Variants in NCBP3 observed in about 807,000 individuals in gnomAD.
NCBP3 encodes nuclear cap binding subunit 3, also known as nuclear cap-binding protein subunit 3.
In NCBP3, 20 loss-of-function variants were observed where a neutral mutation model predicts 75.7. The observed-to-expected ratio is 0.26, with a 90% CI of 0.19 to 0.38. NCBP3 has a LOEUF of 0.38. Ranked by LOEUF, NCBP3 falls within the 10% of genes least tolerant of loss-of-function variation. The pLI, the probability that NCBP3 is intolerant of heterozygous loss-of-function variation, is 1.00. For synonymous variants in NCBP3, 293 were observed against 290.5 expected, an observed-to-expected ratio of 1.01 and a Z score of -0.09; for missense variants, 678 against 796.9, an observed-to-expected ratio of 0.85 and a Z score of 1.80.
intron 7 of NCBP3, chr17:3,824,225 GTTCTTATTCTT>G (rs1365053589): frequency 6.6e-6 from 1 of 151,840 alleles, no homozygotes; most frequent in Non-Finnish European, 1.5e-5. Context: ...ATAAAACAAT[GTTCTTATTCTT>G]TGGAATACAT....
chr17:3,812,856 G>A lies in NCBP3; in HGVS notation c.*188C>T, dbSNP rs148372516. 9.5e-3 allele frequency: 13,493 copies of A among 1,421,824 alleles called. 75 individuals are homozygous for A. The highest frequency in any genetic ancestry group is 0.011 in the Non-Finnish European group (12,470 of 1,091,328). 88.1% of individuals were successfully genotyped at this position (1,421,824 alleles called of 1,614,324 possible). On this transcript the variant is annotated 3_prime_UTR_variant, in exon 13 of 13. Coordinates refer to ENST00000389005, the MANE Select transcript of NCBP3 (RefSeq NM_001114118.3). ...GGGCCCAGAACTACAACTCTGCAGC[G>A]AAAGATAGAGATGCCCTTGAAAATG... is the stretch of plus-strand genomic sequence containing the variant.
intron 3 of NCBP3, among the ~76,000 whole-genome samples, chr17:3,832,664 A>T (rs1470467355): frequency 6.6e-6 from 1 of 151,864 alleles, no homozygotes; most frequent in East Asian, 1.9e-4. Context: ...AAATAAAAAT[A>T]AAAAAAGGAT....
In NCBP3 at chr17:3,806,096, T is replaced by TTTTTTTTTTTTTTTTA. The variant is rs1249058268; in HGVS notation, c.*6947_*6948insTAAAAAAAAAAAAAAA. The TTTTTTTTTTTTTTTTA allele has an allele frequency of 6.6e-6, 1 of 152,256 alleles. No homozygotes were observed. Among genetic ancestry groups the TTTTTTTTTTTTTTTTA allele is most frequent in the Admixed American group, 6.5e-5 (1 of 15,276 alleles). The allele number at this position is 152,256 out of a possible 1,614,324, so 9.4% of individuals were successfully genotyped here. A position where few individuals can be genotyped will look rare whatever the true frequency, so the allele number is the denominator to read the frequency against. ...AGGTGAGAATCCTTTCTTTTTTTTT[T>TTTTTTTTTTTTTTTTA]GAGACGGAGTCTCGCTCTGTCGCCC... On this transcript the variant is annotated 3_prime_UTR_variant, in exon 13 of 13. Coordinates refer to ENST00000389005, the MANE Select transcript of NCBP3 (RefSeq NM_001114118.3).
rs1479959888 is a variant in NCBP3 at position 3,806,097 on chromosome 17, G to C, written c.*6947C>G. Reference sequence around the variant, plus strand: ...GGTGAGAATCCTTTCTTTTTTTTTTGAGACGGAGTCTCGCTCTGTCGCCCA... The same window carrying C: ...GGTGAGAATCCTTTCTTTTTTTTTTCAGACGGAGTCTCGCTCTGTCGCCCA... On this transcript the variant is annotated 3_prime_UTR_variant, in exon 13 of 13. Coordinates refer to ENST00000389005, the MANE Select transcript of NCBP3 (RefSeq NM_001114118.3). 1 of 116,962 alleles carries C rather than the reference G, an allele frequency of 8.5e-6. No homozygotes were observed. The highest frequency in any genetic ancestry group is 1.7e-5 in the Non-Finnish European group (1 of 60,590). 7.2% of individuals were successfully genotyped at this position (116,962 alleles called of 1,614,324 possible).
Position 3,846,118 on chromosome 17 carries a change from C to T in NCBP3, c.106G>A (p.Glu36Lys), listed in dbSNP as rs762792767. The T allele has an allele frequency of 6.5e-7, 1 of 1,548,242 alleles. No homozygotes were observed. Among genetic ancestry groups the T allele is most frequent in the South Asian group, 1.2e-5 (1 of 84,002 alleles). ...TCCTCCACCTCCATGGGCTCCGGCT[C>T]GCCACGGTCAACACCGGACTCCGCC... ...PEAESGVDRGEPEPMEVEEGE... is the reference protein window; with the variant it reads ...PEAESGVDRGKPEPMEVEEGE... The change falls in exon 1 of 13, where the codon GAG becomes AAG. Residue 36 changes from glutamate to lysine, a missense_variant. Physicochemically the swap from Glu to Lys is moderately conservative, Grantham distance 56. Coordinates refer to ENST00000389005, the MANE Select transcript of NCBP3 (RefSeq NM_001114118.3). The surrounding 1 kb of genome is among the most constrained non-coding windows in gnomAD (Gnocchi z 4.6).
chr17:3,817,396 T>C (rs564699228), intron 10 of NCBP3, among the ~76,000 whole-genome samples: 5 of 152,060 alleles, frequency 3.3e-5, no homozygotes, highest in Non-Finnish European at 7.4e-5. Flanking sequence ...TTTGGGAGGC[T>C]GAGGCAGGTG....
Position 3,845,218 on chromosome 17 carries a change from T to C in NCBP3, c.183+823A>G, listed in dbSNP as rs550170691. 1.4e-3 allele frequency among the ~76,000 whole-genome samples: 211 copies of C among 152,296 alleles called. 1 individual carries two copies. Among genetic ancestry groups the C allele is most frequent in the Non-Finnish European group, 1.4e-3 (94 of 68,020 alleles). ...GCTGTTGTTAATCATAATTATAACG[T>C]TTGCCATCTCTAGCGATCATACTTT... On this transcript the variant is annotated intron_variant, in intron 1 of 12. Transcript: ENST00000389005.
chr17:3,832,433 A>G (rs218714), intron 3 of NCBP3, among the ~76,000 whole-genome samples: 55,489 of 117,294 alleles, frequency 0.47, 20,134 homozygotes, highest in Non-Finnish European at 0.53. Flanking sequence ...GATCGAGACC[A>G]TCCTGGCCAA....
chr17:3,807,071 A>G lies in NCBP3; in HGVS notation c.*5973T>C, dbSNP rs1208693038. On this transcript the variant is annotated 3_prime_UTR_variant, in exon 13 of 13. Transcript: ENST00000389005. ...TGTGTTAGCATCTCACCGTAACTTA[A>G]TGCTTCGAGTGAGAAGTTTGAGGAA... 6.6e-6 allele frequency: 1 copy of G among 152,204 alleles called. No individual in the cohort carries two copies. Among genetic ancestry groups the G allele is most frequent in the African/African-American group, 2.4e-5 (1 of 41,450 alleles). 9.4% of individuals were successfully genotyped at this position (152,204 alleles called of 1,614,324 possible). A position where few individuals can be genotyped will look rare whatever the true frequency, so the allele number is the denominator to read the frequency against.
rs2053276094 is a variant in NCBP3, at chr17:3,802,307, C to A, written c.*10737G>T. On this transcript the variant is annotated 3_prime_UTR_variant, in exon 13 of 13. Coordinates refer to ENST00000389005, the MANE Select transcript of NCBP3 (RefSeq NM_001114118.3). ...GTGGACAATGGTGTTGACTTCATTA[C>A]TAGATAAAAATCCATGTTATTTTGT... 1 of 152,122 alleles carries A rather than the reference C, an allele frequency of 6.6e-6. No homozygotes were observed. Among genetic ancestry groups the A allele is most frequent in the African/African-American group, 2.4e-5 (1 of 41,396 alleles). 9.4% of individuals were successfully genotyped at this position (152,122 alleles called of 1,614,324 possible).
intron 3 of NCBP3, among the ~76,000 whole-genome samples, chr17:3,830,949 T>A (rs1207023632): frequency 6.7e-6 from 1 of 150,248 alleles, no homozygotes; most frequent in East Asian, 2.0e-4. Context: ...TTCACTCTTG[T>A]TGCCCAGGCT....
At position 3,818,557 on chromosome 17, in the gene NCBP3, G is replaced by A; in HGVS notation, c.1016C>T (p.Pro339Leu). 1 of 1,605,916 alleles carries A rather than the reference G, an allele frequency of 6.2e-7. No individual in the cohort carries two copies. Among genetic ancestry groups the A allele is most frequent in the Non-Finnish European group, 8.5e-7 (1 of 1,179,042 alleles). ...KHRHSGLVNV[P>L]EEPIEEEEEE... ...TTCCTCCTCTTCAATGGGTTCCTCGGGAACATTCACTAGCCCTGAAGAAAT... is the reference window on the plus strand; with the variant it reads ...TTCCTCCTCTTCAATGGGTTCCTCGAGAACATTCACTAGCCCTGAAGAAAT... The change falls in exon 10 of 13, where the codon CCC becomes CTC. Residue 339 changes from proline (P) to leucine (L), a missense_variant. Pro to Leu is a moderately conservative substitution (Grantham distance 98). Around this residue, in one of 7 missense-constraint regions of NCBP3, gnomAD observed 365 missense variants for 392.7 expected, o/e 0.93. Transcript: ENST00000389005. This position sits in a 1 kb window ranked among gnomAD's most constrained non-coding sequence, Gnocchi z 4.7.
At chr17:3,821,845 C>CTT in intron 8 of NCBP3, 108 bp downstream of exon 8, 1 of 706,790 alleles carries the variant, frequency 1.4e-6, no homozygotes, top group Non-Finnish European at 2.5e-6. Flanking sequence ...ATTCTTCCCT[C>CTT]TTGTTTTCCT....
At chr17:3,843,427 T>G (rs893113157) in intron 1 of NCBP3, among the ~76,000 whole-genome samples, 2 of 151,814 alleles carry the variant, frequency 1.3e-5, no homozygotes, top group Admixed American at 6.6e-5. Context: ...AGAGACAGGG[T>G]CTCCCTATGT....
rs2053379279 is a variant in NCBP3, at chr17:3,809,657, G to A, written c.*3387C>T. 1 of 152,246 alleles carries A rather than the reference G, an allele frequency of 6.6e-6. No homozygotes were observed. The highest frequency in any genetic ancestry group is 6.5e-5 in the Admixed American group (1 of 15,278). The allele number at this position is 152,246 out of a possible 1,614,324, so 9.4% of individuals were successfully genotyped here. A position where few individuals can be genotyped will look rare whatever the true frequency, so the allele number is the denominator to read the frequency against. ...GGAGGTGGAGGTTGCAGTGGGCCGA[G>A]ATCGTGCCATTGCACTCCAGCCTGC... is the stretch of plus-strand genomic sequence containing the variant. On this transcript the variant is annotated 3_prime_UTR_variant, in exon 13 of 13. Transcript: ENST00000389005.
rs566431726 is a variant in NCBP3 at position 3,810,672 on chromosome 17, T to C, written c.*2372A>G. On this transcript the variant is annotated 3_prime_UTR_variant, in exon 13 of 13. Transcript: ENST00000389005. ...TGGGCAGGAGGGTTAGAGAAACTAA[T>C]AAGGCCAGTAACTCCGAGAAGTAAA... 12 of 152,214 alleles carry C rather than the reference T, an allele frequency of 7.9e-5. No individual in the cohort carries two copies. Among genetic ancestry groups the C allele is most frequent in the Non-Finnish European group, 1.6e-4 (11 of 68,054 alleles). 9.4% of individuals were successfully genotyped at this position (152,214 alleles called of 1,614,324 possible). A position where few individuals can be genotyped will look rare whatever the true frequency, so the allele number is the denominator to read the frequency against.
intron 2 of NCBP3, 61 bp downstream of exon 2, chr17:3,843,025 A>G: frequency 7.9e-7 from 1 of 1,261,674 alleles, no homozygotes. Context: ...TGTCCTAGGG[A>G]TCAAATTCAT....
rs1199559063 is a variant in NCBP3 at position 3,806,439 on chromosome 17, G to A, written c.*6605C>T. 2.0e-5 allele frequency: 3 copies of A among 152,210 alleles called. No homozygotes were observed. Among genetic ancestry groups the A allele is most frequent in the Non-Finnish European group, 4.4e-5 (3 of 68,054 alleles). 9.4% of individuals were successfully genotyped at this position (152,210 alleles called of 1,614,324 possible). ...GACCTCACTAACCTATATTGGCCCA[G>A]AGGTGATGGTGACAATTTGAGATAA... On this transcript the variant is annotated 3_prime_UTR_variant, in exon 13 of 13. Transcript: ENST00000389005.
chr17:3,834,620 A>G (rs752941783), intron 3 of NCBP3, among the ~76,000 whole-genome samples: 6 of 152,190 alleles, frequency 3.9e-5, no homozygotes, highest in South Asian at 2.1e-4. Flanking sequence ...TACTAAAAAT[A>G]CAAAATTAGC....
Sources: allele counts gnomAD v4.1 joint callset (sites outside exome capture counted in the v4.1 genomes callset), GRCh38; gene constraint gnomAD v4.1.1; regional missense constraint gnomAD v4.1.1; non-coding constraint Gnocchi (gnomAD v3.1); transcripts MANE v1.5; gene names NCBI Gene and HGNC (gene_info 2026-07-23, HGNC 2026-07-21).